RANBP2: variants seen among roughly 807,000 people sequenced by gnomAD.
RANBP2 encodes the protein RAN binding protein 2.
A neutral mutation model predicts 303.6 loss-of-function variants in RANBP2; 57 were observed. That is an observed-to-expected ratio of 0.19 (90% CI 0.15 to 0.23). RANBP2 has a LOEUF of 0.23. Among genes scored for constraint, RANBP2 ranks in the 10% least tolerant of loss-of-function variants. The pLI, the probability that RANBP2 is intolerant of heterozygous loss-of-function variation, is 1.00. For missense variants in RANBP2, 3,138 were observed against 3,780.8 expected (o/e 0.83, Z 4.46); for synonymous variants, 1,167 against 1,301.5 (o/e 0.90, Z 2.23).
the RANBP2 span, chr2:109,449,622 C>A: frequency 8.4e-7 from 1 of 1,194,684 alleles, no homozygotes; most frequent in Non-Finnish European, 1.1e-6. Context: ...CCTAGATGAA[C>A]CAGGCGTGTG....
the RANBP2 span, among the ~76,000 whole-genome samples, chr2:109,258,365 A>C: frequency 6.6e-6 from 1 of 152,190 alleles, no homozygotes; most frequent in South Asian, 2.1e-4. Flanking sequence ...TGAGAGGACC[A>C]CAAACCCTAG....
chr2:109,345,463 G>A, the RANBP2 span, among the ~76,000 whole-genome samples: 2 of 152,290 alleles, frequency 1.3e-5, no homozygotes, highest in East Asian at 1.9e-4. Context: ...AACAGCCACC[G>A]AGTCTGTAGC....
the RANBP2 span, among the ~76,000 whole-genome samples, chr2:109,237,010 A>T: frequency 1.3e-5 from 2 of 152,224 alleles, no homozygotes; most frequent in Non-Finnish European, 2.9e-5. Context: ...GGGAAGCTAA[A>T]CTTAGAAGGT....
chr2:108,728,978 A>G (rs559754935), intron 1 of RANBP2, among the ~76,000 whole-genome samples, 154 bp from the exon 2 acceptor site: 28 of 152,360 alleles, frequency 1.8e-4, no homozygotes, highest in Non-Finnish European at 3.1e-4. Context: ...ATTATAAAAC[A>G]TGGAATTATG....
chr2:109,221,533 G>A, the RANBP2 span, among the ~76,000 whole-genome samples: 120 of 146,818 alleles, frequency 8.2e-4, no homozygotes, highest in Admixed American at 2.7e-3. Context: ...GGTAAGCCGC[G>A]ATCGCGCCAG....
the RANBP2 span, among the ~76,000 whole-genome samples, chr2:108,985,722 C>T: frequency 6.6e-6 from 1 of 152,160 alleles, no homozygotes; most frequent in Non-Finnish European, 1.5e-5. Context: ...GTGTCTCTGC[C>T]CCCAGAGAGG....
chr2:109,446,281 C>G, the RANBP2 span, among the ~76,000 whole-genome samples: 2 of 152,108 alleles, frequency 1.3e-5, no homozygotes, highest in East Asian at 3.9e-4. Context: ...TTCTTTTTTC[C>G]TCAGAGACTC....
At chr2:109,681,898 G>A in the RANBP2 span, among the ~76,000 whole-genome samples, 15 of 152,254 alleles carry the variant, frequency 9.9e-5, no homozygotes, top group Non-Finnish European at 2.1e-4. Flanking sequence ...GTTCTCTGGA[G>A]TAGAGAGGTG....
the RANBP2 span, among the ~76,000 whole-genome samples, chr2:108,850,836 C>A: frequency 6.6e-6 from 1 of 151,764 alleles, no homozygotes; most frequent in African/African-American, 2.4e-5. Flanking sequence ...CAATAATCAT[C>A]CACACAGAAG....
the RANBP2 span, among the ~76,000 whole-genome samples, chr2:109,537,920 C>A: frequency 1.3e-5 from 2 of 152,196 alleles, no homozygotes; most frequent in East Asian, 3.9e-4. Context: ...TGCACTCTAG[C>A]TCAGGCAAAA....
At chr2:109,076,002 G>A in the RANBP2 span, among the ~76,000 whole-genome samples, 1 of 150,708 alleles carries the variant, frequency 6.6e-6, no homozygotes, top group Admixed American at 6.6e-5. Flanking sequence ...AAAACCACAT[G>A]CCAATATCTC....
chr2:109,369,890 G>A, the RANBP2 span, among the ~76,000 whole-genome samples: 3 of 152,312 alleles, frequency 2.0e-5, no homozygotes, highest in African/African-American at 7.2e-5. Context: ...TGTAAGTCCC[G>A]AATTGCTGCT....
At chr2:108,833,766 C>T in the RANBP2 span, among the ~76,000 whole-genome samples, 18 of 137,316 alleles carry the variant, frequency 1.3e-4, no homozygotes, top group Admixed American at 7.7e-4. Flanking sequence ...CTTGCTTTGT[C>T]GCCCAGGCTG....
chr2:109,373,395 C>G, the RANBP2 span, among the ~76,000 whole-genome samples: 2 of 152,216 alleles, frequency 1.3e-5, no homozygotes, highest in Non-Finnish European at 2.9e-5. Context: ...CCCTAAACAG[C>G]ATACCACTCA....
chr2:109,187,262 T>C, the RANBP2 span, among the ~76,000 whole-genome samples: 1 of 152,238 alleles, frequency 6.6e-6, no homozygotes, highest in Non-Finnish European at 1.5e-5. Flanking sequence ...AATTGCACAA[T>C]TTAAAAAACT....
the RANBP2 span, among the ~76,000 whole-genome samples, chr2:109,278,188 A>T: frequency 1.3e-5 from 2 of 151,172 alleles, no homozygotes; most frequent in African/African-American, 4.9e-5. Context: ...AAAAAAAAAA[A>T]ATCAATTTCA....
the RANBP2 span, among the ~76,000 whole-genome samples, chr2:108,905,212 C>G: frequency 6.6e-6 from 1 of 152,110 alleles, no homozygotes; most frequent in Non-Finnish European, 1.5e-5. Flanking sequence ...CACAGGTTCT[C>G]AGCCCTGGCT....
the RANBP2 span, among the ~76,000 whole-genome samples, chr2:109,359,263 C>A: frequency 6.6e-6 from 1 of 152,130 alleles, no homozygotes; most frequent in Non-Finnish European, 1.5e-5. Context: ...AGGTCTCTTG[C>A]CTCTCCATAT....
intron 17 of RANBP2, among the ~76,000 whole-genome samples, chr2:108,755,833 C>T (rs1005441489): frequency 6.6e-6 from 1 of 151,552 alleles, no homozygotes; most frequent in South Asian, 2.1e-4. Context: ...AAGCGACTCT[C>T]CTGCCTCAGC....
Sources: gnomAD v4.1 joint callset for allele counts (sites outside exome capture counted in the v4.1 genomes callset) on GRCh38, gnomAD v4.1.1 for gene constraint, MANE v1.5 for transcripts, NCBI Gene and HGNC (gene_info 2026-07-23, HGNC 2026-07-21) for gene names.